The following MBD5 variants were observed in gnomAD, a reference collection of about 807,000 sequenced individuals.
The protein encoded by MBD5 is methyl-CpG binding domain protein 5.
MBD5 carries 13 observed loss-of-function variants against 117.3 expected under a neutral mutation model. The ratio of observed to expected loss-of-function variants is 0.11; its 90% confidence interval spans 0.07 to 0.18. MBD5 has a LOEUF of 0.18. MBD5 is among the 10% of genes least tolerant of loss of function. The pLI is 1.00. For synonymous variants in MBD5, 727 were observed against 766.4 expected, an observed-to-expected ratio of 0.95 and a Z score of 0.85; for missense variants, 1,879 against 2,093.8, an observed-to-expected ratio of 0.90 and a Z score of 2.00.
intron 4 of MBD5, among the ~76,000 whole-genome samples, chr2:148,446,803 A>G (rs913844877): frequency 6.6e-6 from 1 of 152,072 alleles, no homozygotes; most frequent in African/African-American, 2.4e-5. Context: ...GAGCCTTGTC[A>G]CACAGAATAT....
chr2:148,513,351 T>C lies in MBD5; in HGVS notation c.*410T>C. The stretch of plus-strand genomic sequence containing the variant: ...ACAAGCGTACCTAATGCACACTTTA[T>C]CTTTTATTGTACAAAGAAATAGTGT... On this transcript the variant is annotated 3_prime_UTR_variant, in exon 14 of 14. Coordinates refer to ENST00000642680, the MANE Select transcript of MBD5 (RefSeq NM_001378120.1). 5.3e-6 allele frequency: 1 copy of C among 187,760 alleles called. No homozygotes were observed. Among genetic ancestry groups the C allele is most frequent in the South Asian group, 1.1e-4 (1 of 9,444 alleles). 11.6% of individuals were successfully genotyped at this position (187,760 alleles called of 1,614,324 possible). A position where few individuals can be genotyped will look rare whatever the true frequency, so the allele number is the denominator to read the frequency against.
In MBD5 at chr2:148,469,862, G is replaced by T; in HGVS notation, c.1919G>T (p.Gly640Val). Residue 640 changes from glycine to valine, a missense_variant, in exon 8 of 14, where the codon GGT becomes GTT. Gly to Val is a moderately radical substitution (Grantham distance 109). Around this residue, in one of 4 missense-constraint regions of MBD5, gnomAD observed 1,666 missense variants for 1,792.2 expected, o/e 0.93. Coordinates refer to ENST00000642680, the MANE Select transcript of MBD5 (RefSeq NM_001378120.1). ...CTCCCAACAGGTGAAGGGCAAAGTG[G>T]TCGAGCAGCACTAAGAGATAAGCTG... The part of the protein sequence containing the change: ...MLLPTGEGQS[G>V]RAALRDKLMS... 6.2e-7 allele frequency: 1 copy of T among 1,613,942 alleles called. No homozygotes were observed.
intron 1 of MBD5, among the ~76,000 whole-genome samples, chr2:148,029,666 C>T (rs1168228419): frequency 6.6e-6 from 1 of 152,114 alleles, no homozygotes; most frequent in African/African-American, 2.4e-5. Context: ...TTACCTGGGC[C>T]AGTCAGAAAA....
chr2:148,437,433 CA>C (rs1475623420), intron 4 of MBD5, among the ~76,000 whole-genome samples: 1 of 152,078 alleles, frequency 6.6e-6, no homozygotes, highest in Non-Finnish European at 1.5e-5. Context: ...ATCCTGAAGC[CA>C]TAATCCCAAA....
At chr2:148,030,240 A>T (rs1307883276) in intron 1 of MBD5, among the ~76,000 whole-genome samples, 1 of 152,040 alleles carries the variant, frequency 6.6e-6, no homozygotes, top group Non-Finnish European at 1.5e-5. Flanking sequence ...ATGCCACTGC[A>T]CTTCAGCCTG....
chr2:148,179,423 ATAAT>A (rs1698470486), intron 2 of MBD5, among the ~76,000 whole-genome samples: 1 of 152,252 alleles, frequency 6.6e-6, no homozygotes, highest in African/African-American at 2.4e-5. Context: ...ATTTGAAAAA[ATAAT>A]TAAACAGAAA....
At chr2:148,042,331 T>C (rs1009380610) in intron 1 of MBD5, among the ~76,000 whole-genome samples, 4 of 152,154 alleles carry the variant, frequency 2.6e-5, no homozygotes, top group Non-Finnish European at 5.9e-5. Flanking sequence ...TAAAGTTGCA[T>C]CCTCCTTTTT....
chr2:148,226,839 T>G (rs1314324270), intron 2 of MBD5, among the ~76,000 whole-genome samples: 1 of 152,248 alleles, frequency 6.6e-6, no homozygotes, highest in African/African-American at 2.4e-5. Context: ...ATTGTGGTTT[T>G]GATTTGCATT....
intron 3 of MBD5, among the ~76,000 whole-genome samples, chr2:148,323,910 C>T (rs1461954769): frequency 1.3e-5 from 2 of 152,172 alleles, no homozygotes; most frequent in African/African-American, 2.4e-5. Flanking sequence ...GACAGGAAGT[C>T]CTTGCCCATG....
intron 1 of MBD5, among the ~76,000 whole-genome samples, chr2:148,173,449 C>T (rs1698312127): frequency 1.3e-5 from 2 of 152,210 alleles, no homozygotes; most frequent in African/African-American, 4.8e-5. Context: ...CGTTGCCACT[C>T]CTTGCCAGGC....
chr2:148,191,923 G>C (rs1445406353), intron 2 of MBD5, among the ~76,000 whole-genome samples: 1 of 86,784 alleles, frequency 1.2e-5, no homozygotes, highest in African/African-American at 4.8e-5. Context: ...TGATAAAGGG[G>C]ATATCACCAC....
chr2:148,361,122 C>T (rs866959069), intron 4 of MBD5, among the ~76,000 whole-genome samples: 2 of 152,092 alleles, frequency 1.3e-5, no homozygotes, highest in Admixed American at 6.5e-5. Flanking sequence ...CCGAGGCAGC[C>T]GGATCACAAG....
Position 148,502,425 on chromosome 2 carries a change from C to T in MBD5, c.4963-11C>T, listed in dbSNP as rs147291009. 2.3e-4 allele frequency: 367 copies of T among 1,613,674 alleles called. No individual in the cohort carries two copies. Among genetic ancestry groups the T allele is most frequent in the Non-Finnish European group, 3.1e-4 (361 of 1,179,664 alleles). ...TGGGTAATGTGGTTTGGTCTTCATA[C>T]CTTCACTCAGGTGGAGCCCGAGAAG... On this transcript the variant is annotated splice_polypyrimidine_tract_variant and intron_variant, in intron 11 of 13. Transcript: ENST00000642680.
chr2:148,473,876 T>C (rs1193224813), intron 8 of MBD5, among the ~76,000 whole-genome samples: 1 of 152,202 alleles, frequency 6.6e-6, no homozygotes, highest in Non-Finnish European at 1.5e-5. Context: ...CATTTTAAAG[T>C]TTACAGTTTT....
chr2:148,087,560 C>T (rs1212673670), intron 1 of MBD5, among the ~76,000 whole-genome samples: 1 of 152,192 alleles, frequency 6.6e-6, no homozygotes, highest in Non-Finnish European at 1.5e-5. Flanking sequence ...AGACATTCCC[C>T]AGCACCAGCC....
At chr2:148,119,681 A>C (rs1447400289) in intron 1 of MBD5, among the ~76,000 whole-genome samples, 1 of 152,070 alleles carries the variant, frequency 6.6e-6, no homozygotes, top group African/African-American at 2.4e-5. Flanking sequence ...ATTTTTATGT[A>C]TGGTGTGAGG....
chr2:148,477,235 G>A (rs1026783974), intron 8 of MBD5, among the ~76,000 whole-genome samples: 1 of 152,012 alleles, frequency 6.6e-6, no homozygotes, highest in Non-Finnish European at 1.5e-5. Flanking sequence ...CAAGATTCAA[G>A]CTGCATCCCT....
chr2:148,198,761 C>A (rs1057301863), intron 2 of MBD5, among the ~76,000 whole-genome samples: 2 of 151,866 alleles, frequency 1.3e-5, no homozygotes, highest in African/African-American at 2.4e-5. Context: ...TTAAAATATT[C>A]TTCTATAAAT....
At chr2:148,124,871 A>G (rs1696853750) in intron 1 of MBD5, among the ~76,000 whole-genome samples, 2 of 151,676 alleles carry the variant, frequency 1.3e-5, no homozygotes, top group African/African-American at 4.8e-5. Flanking sequence ...GAATAGTTAT[A>G]CATAAAGAAT....
Sources: gnomAD v4.1 joint callset for allele counts (sites outside exome capture counted in the v4.1 genomes callset) on GRCh38, gnomAD v4.1.1 for gene constraint, gnomAD v4.1.1 regional missense constraint, MANE v1.5 for transcripts, NCBI Gene and HGNC (gene_info 2026-07-23, HGNC 2026-07-21) for gene names.